Variants in BCAS2 observed in about 807,000 individuals in gnomAD.
The protein encoded by BCAS2 is pre-mRNA-splicing factor SPF27.
Under a neutral mutation model 35.3 loss-of-function variants are expected in BCAS2, and 34 were observed. That is an observed-to-expected ratio of 0.96 (90% CI 0.73 to 1.28). The LOEUF (loss-of-function observed/expected upper bound fraction) is 1.28, where lower values mean the gene tolerates loss of function less well. Ranked by LOEUF, BCAS2 falls within the 50% of genes most tolerant of loss-of-function variation. The pLI is 0.00. For missense variants in BCAS2, 221 were observed against 268.1 expected (o/e 0.82, Z 1.23); for synonymous variants, 75 against 91.6 (o/e 0.82, Z 1.03).
chr1:114,576,984 G>T (rs75431802), intron 2 of BCAS2, among the ~76,000 whole-genome samples: 1 of 152,226 alleles, frequency 6.6e-6, no homozygotes, highest in African/African-American at 2.4e-5. Context: ...AGCCCACAGA[G>T]AAAAGGATTA....
chr1:114,573,590 A>T (rs941821718), intron 4 of BCAS2, among the ~76,000 whole-genome samples: 1 of 152,186 alleles, frequency 6.6e-6, no homozygotes, highest in Non-Finnish European at 1.5e-5. Flanking sequence ...ACTTGCCCCC[A>T]TATTGCCAAA....
chr1:114,576,160 T>C (rs1266103110), intron 3 of BCAS2, among the ~76,000 whole-genome samples: 3 of 150,794 alleles, frequency 2.0e-5, no homozygotes, highest in Non-Finnish European at 4.4e-5. Context: ...GAGAAAAAAA[T>C]GAGAAGCGAT....
intron 2 of BCAS2, among the ~76,000 whole-genome samples, chr1:114,577,264 T>C (rs1011509875): frequency 2.0e-5 from 3 of 152,238 alleles, no homozygotes; most frequent in Non-Finnish European, 4.4e-5. Context: ...CCTGTGCTGC[T>C]TCAGGACTGT....
chr1:114,581,424 G>A (rs1654887504), intron 1 of BCAS2, 33 bp from the exon 2 acceptor site: 3 of 1,613,888 alleles, frequency 1.9e-6, no homozygotes, highest in African/African-American at 1.3e-5. Context: ...GGGTAGAAGT[G>A]GCAAATTGTA....
intron 2 of BCAS2, 60 bp downstream of exon 2, chr1:114,581,239 C>T: frequency 1.9e-6 from 3 of 1,559,688 alleles, no homozygotes; most frequent in Admixed American, 3.3e-5. Context: ...TTAAAGCTCT[C>T]AATCCAAAAT....
chr1:114,576,557 G>A lies in BCAS2; in HGVS notation c.257+131C>T, dbSNP rs527766671. On this transcript the variant is annotated intron_variant, in intron 3 of 6. Transcript: ENST00000369541. ...CCAGCCTCGGCCTCCCAAAGTGCTGGAATTACAGGTGTGAGCCACCACACC... is the reference window on the plus strand; with the variant it reads ...CCAGCCTCGGCCTCCCAAAGTGCTGAAATTACAGGTGTGAGCCACCACACC... 9 of 644,106 alleles carry A rather than the reference G, an allele frequency of 1.4e-5. No individual in the cohort carries two copies. In the Admixed American group the frequency reaches 2.3e-4, roughly 16 times the overall value. The allele number at this position is 644,106 out of a possible 1,614,324, so 39.9% of individuals were successfully genotyped here.
intron 2 of BCAS2, among the ~76,000 whole-genome samples, chr1:114,579,790 C>T (rs775797304): frequency 7.9e-5 from 12 of 152,094 alleles, no homozygotes; most frequent in Admixed American, 5.9e-4. Flanking sequence ...CACTTGAGCC[C>T]GGAAGGTGGA....
Position 114,570,725 on chromosome 1 carries a change from C to A in BCAS2, c.445G>T (p.Ala149Ser), listed in dbSNP as rs767359809. The A allele has an allele frequency of 1.3e-6, 2 of 1,591,422 alleles. No homozygotes were observed. The highest frequency in any genetic ancestry group is 2.2e-5 in the East Asian group (1 of 44,610). The change falls in exon 5 of 7, where the codon GCA (alanine) becomes TCA (serine). Residue 149 changes from alanine to serine, a missense_variant. Transcript: ENST00000369541. The stretch of plus-strand genomic sequence containing the variant: ...CTTAACTTCTGAAGTTCCTTCTGTG[C>A]GTGTTCAATCATATGAACTAGATTT... The part of the protein sequence containing the change: ...NENLVHMIEH[A>S]QKELQKLRKH...
intron 4 of BCAS2, among the ~76,000 whole-genome samples, chr1:114,572,785 A>C (rs1305530005): frequency 6.6e-6 from 1 of 152,104 alleles, no homozygotes; most frequent in Admixed American, 6.5e-5. Flanking sequence ...AAAAGTCTAC[A>C]GTTGAGGTAG....
rs1654889989 is a variant in BCAS2, at chr1:114,581,495, TCA to T, written c.93+2_93+3del. 1.2e-6 allele frequency: 2 copies of T among 1,614,080 alleles called. No homozygotes were observed. Among genetic ancestry groups the T allele is most frequent in the East Asian group, 4.5e-5 (2 of 44,872 alleles). On this transcript the variant is annotated splice_donor_variant and splice_donor_region_variant and intron_variant, in intron 1 of 6. Coordinates refer to ENST00000369541, the MANE Select transcript of BCAS2 (RefSeq NM_005872.3). LOFTEE classifies it high-confidence loss of function. Reference sequence around the variant, plus strand: ...AGTCAGCTACAAAGACACCCCGCACTCACCGCTTCCCGCACACCAGGGGCTTC... The same window carrying T: ...AGTCAGCTACAAAGACACCCCGCACTCCGCTTCCCGCACACCAGGGGCTTC...
chr1:114,570,101 T>G (rs1193404432), intron 5 of BCAS2, 29 bp from the exon 6 acceptor site: 3 of 1,487,980 alleles, frequency 2.0e-6, no homozygotes, highest in Non-Finnish European at 2.8e-6. Context: ...ACAACCCAAT[T>G]ACATTTTAAT....
intron 4 of BCAS2, among the ~76,000 whole-genome samples, chr1:114,572,010 T>C (rs1654658799): frequency 6.6e-6 from 1 of 152,232 alleles, no homozygotes; most frequent in African/African-American, 2.4e-5. Context: ...TAAGTTTAAA[T>C]AACAACTTTA....
At chr1:114,571,566 C>G (rs1654644844) in intron 4 of BCAS2, among the ~76,000 whole-genome samples, 1 of 152,060 alleles carries the variant, frequency 6.6e-6, no homozygotes. Flanking sequence ...ACCACGTTGT[C>G]CAGGCTGGTC....
chr1:114,570,725 CG>C lies in BCAS2; in HGVS notation c.444del (p.His148GlnfsTer9). ...YNENLVHMIE[H>X]AQKELQKLRK... Reference sequence around the variant, plus strand: ...CTTAACTTCTGAAGTTCCTTCTGTGCGTGTTCAATCATATGAACTAGATTTC... The same window carrying C: ...CTTAACTTCTGAAGTTCCTTCTGTGCTGTTCAATCATATGAACTAGATTTC... On this transcript the variant is annotated frameshift_variant, in exon 5 of 7. Transcript: ENST00000369541. LOFTEE classifies it high-confidence loss of function. The C allele has an allele frequency of 6.3e-7, 1 of 1,591,540 alleles. No homozygotes were observed. Among genetic ancestry groups the C allele is most frequent in the South Asian group, 1.1e-5 (1 of 89,012 alleles).
At chr1:114,579,861 G>A (rs374162687) in intron 2 of BCAS2, among the ~76,000 whole-genome samples, 104 of 152,118 alleles carry the variant, frequency 6.8e-4, no homozygotes, top group African/African-American at 2.4e-3. Flanking sequence ...ATGAGACTCC[G>A]TCTCAAACAA....
intron 2 of BCAS2, among the ~76,000 whole-genome samples, chr1:114,579,853 G>A (rs541512103): frequency 9.9e-5 from 15 of 152,232 alleles, no homozygotes; most frequent in African/African-American, 3.6e-4. Context: ...GTGACGTAAT[G>A]AGACTCCGTC....
rs750269617 is a variant in BCAS2 at position 114,581,332 on chromosome 1, G to A, written c.153C>T (p.Ser51=). 12 of 1,614,064 alleles carry A rather than the reference G, an allele frequency of 7.4e-6. No homozygotes were observed. The African/African-American group carries it at 1.3e-4, about 18-fold the overall frequency. The change falls in exon 2 of 7, where the codon AGC becomes AGT. Residue 51 remains serine (S), a synonymous_variant. Coordinates refer to ENST00000369541, the MANE Select transcript of BCAS2 (RefSeq NM_005872.3). ...RRYRPTKNYL[S]YLTAPDYSAF... ...CAGAATAATCCGGGGCTGTCAGGTA[G>A]CTCAGGTAGTTCTTAGTAGGTCGGT... is the stretch of plus-strand genomic sequence containing the variant.
rs995392655 is a variant in BCAS2, at chr1:114,576,576, C to T, written c.257+112G>A. 10 of 848,658 alleles carry T rather than the reference C, an allele frequency of 1.2e-5. No individual in the cohort carries two copies. In the African/African-American group the frequency reaches 1.2e-4, roughly 10 times the overall value. 52.6% of individuals were successfully genotyped at this position (848,658 alleles called of 1,614,324 possible). On this transcript the variant is annotated intron_variant, in intron 3 of 6. Transcript: ENST00000369541. Reference sequence around the variant, plus strand: ...GTGCTGGAATTACAGGTGTGAGCCACCACACCCGGCCAACACTGCCAATAT... The same window carrying T: ...GTGCTGGAATTACAGGTGTGAGCCATCACACCCGGCCAACACTGCCAATAT...
At chr1:114,578,945 A>C (rs901021743) in intron 2 of BCAS2, among the ~76,000 whole-genome samples, 18 of 152,186 alleles carry the variant, frequency 1.2e-4, no homozygotes. Context: ...ATGTGCACCA[A>C]GTAAGACAGT....
Sources: gnomAD v4.1 joint callset for allele counts (sites outside exome capture counted in the v4.1 genomes callset) on GRCh38, gnomAD v4.1.1 for gene constraint, MANE v1.5 for transcripts, NCBI Gene and HGNC (gene_info 2026-07-23, HGNC 2026-07-21) for gene names.